Variants in FMR1NB observed in about 807,000 individuals in gnomAD.
FMR1NB encodes the protein FMR1 neighbor.
FMR1NB carries 10 observed loss-of-function variants against 16.8 expected under a neutral mutation model. That is an observed-to-expected ratio of 0.60 (90% confidence interval 0.37 to 1.01). The LOEUF (loss-of-function observed/expected upper bound fraction) is 1.01. Among genes scored for constraint, FMR1NB ranks in the 50% least tolerant of loss-of-function variants. FMR1NB has a pLI of 0.01. For synonymous variants in FMR1NB, 83 were observed against 79.1 expected (o/e 1.05, Z -0.26); for missense variants, 205 against 204.8 (o/e 1.00, Z 0.00).
chrX:147,994,785 G>T (rs912385802), intron 1 of FMR1NB, among the ~76,000 whole-genome samples: 1 of 112,043 alleles, frequency 8.9e-6, no homozygotes, highest in Non-Finnish European at 1.9e-5. Context: ...TACATTGTTA[G>T]ATTTCCCAGA....
intron 1 of FMR1NB, among the ~76,000 whole-genome samples, chrX:148,002,859 T>TG (rs2044577839): frequency 8.9e-6 from 1 of 112,225 alleles, no homozygotes; most frequent in African/African-American, 3.2e-5. Context: ...CTTTCTGTGA[T>TG]GGGATCTGAT....
At chrX:148,018,172 C>G (rs2044660080) in intron 4 of FMR1NB, among the ~76,000 whole-genome samples, 1 of 110,678 alleles carries the variant, frequency 9.0e-6, no homozygotes, top group South Asian at 3.8e-4. Flanking sequence ...TGAAAGTGTT[C>G]CTATTTCTCC....
At chrX:148,009,513 CT>C (rs35034562) in intron 4 of FMR1NB, among the ~76,000 whole-genome samples, 5,672 of 96,768 alleles carry the variant, frequency 0.059, 218 homozygotes, top group African/African-American at 0.13. Context: ...TGCTTCCAAG[CT>C]TTTTTTTTTT....
chrX:148,018,568 T>A (rs2044662516), intron 4 of FMR1NB, among the ~76,000 whole-genome samples: 1 of 111,571 alleles, frequency 9.0e-6, no homozygotes, highest in South Asian at 3.8e-4. Context: ...AAACAAGCAA[T>A]GGGGAAAGCA....
intron 4 of FMR1NB, among the ~76,000 whole-genome samples, chrX:148,012,669 C>A (rs979646035): frequency 9.0e-5 from 10 of 111,400 alleles, no homozygotes; most frequent in Non-Finnish European, 1.7e-4. Context: ...TACATTTAGA[C>A]CAATCCTGCT....
rs1557189361 is a variant in FMR1NB, at chrX:148,008,691, C to T, written c.612C>T (p.Cys204=). The T allele has an allele frequency of 1.7e-6, 2 of 1,209,418 alleles. No individual in the cohort carries two copies. ...SLILVCLPIY[C]RSLFWRSEPA... ...TCCTGGTATGTCTGCCCATTTATTG[C>T]CGCTCTCTTTTCTGGAGGAGGTAGG... The change falls in exon 4 of 6, where the codon TGC becomes TGT. Residue 204 remains cysteine, a synonymous_variant. Coordinates refer to ENST00000370467, the MANE Select transcript of FMR1NB (RefSeq NM_152578.3).
At chrX:147,984,109 A>G (rs2044464564) in intron 1 of FMR1NB, among the ~76,000 whole-genome samples, 1 of 112,039 alleles carries the variant, frequency 8.9e-6, no homozygotes, top group Non-Finnish European at 1.9e-5. Flanking sequence ...CATTCTTTTG[A>G]TTACTGCAGC....
chrX:148,001,837 CAAG>C (rs1270855872), intron 1 of FMR1NB, among the ~76,000 whole-genome samples: 9 of 110,931 alleles, frequency 8.1e-5, no homozygotes, highest in African/African-American at 2.9e-4. Context: ...AATAGAAAGT[CAAG>C]AAGCAGATCT....
At position 148,024,927 on chromosome X, in the gene FMR1NB, G is replaced by A; in HGVS notation, c.695G>A (p.Arg232Lys). Residue 232 changes from arginine (R) to lysine (K), a missense_variant, in exon 5 of 6, where the codon AGA (arginine) becomes AAA (lysine). Coordinates refer to ENST00000370467, the MANE Select transcript of FMR1NB (RefSeq NM_152578.3). Reference protein sequence around the residue: ...NRVVTGLKKQRRKRKRKSEML... With the variant: ...NRVVTGLKKQKRKRKRKSEML... ...GTTGTAACGGGTTTGAAGAAACAAA[G>A]AAGGAAGCGAAAGAGGAAGTCTGAA... 8.3e-7 allele frequency: 1 copy of A among 1,211,150 alleles called. No individual in the cohort carries two copies. Among genetic ancestry groups the A allele is most frequent in the Non-Finnish European group, 1.1e-6 (1 of 895,072 alleles).
chrX:147,991,772 G>A (rs1854461156), intron 1 of FMR1NB, among the ~76,000 whole-genome samples: 1 of 106,731 alleles, frequency 9.4e-6, no homozygotes, highest in African/African-American at 3.5e-5. Context: ...AGTGAACAAA[G>A]GTCTCTGGTT....
intron 4 of FMR1NB, among the ~76,000 whole-genome samples, chrX:148,015,189 A>C (rs1448022366): frequency 9.1e-6 from 1 of 110,076 alleles, no homozygotes; most frequent in Non-Finnish European, 1.9e-5. Flanking sequence ...TTCATCTCTG[A>C]TTTTACTTAT....
chrX:147,997,158 T>C (rs1208960301), intron 1 of FMR1NB, among the ~76,000 whole-genome samples: 2 of 111,373 alleles, frequency 1.8e-5, no homozygotes, highest in African/African-American at 6.5e-5. Context: ...TTATAAAGCC[T>C]AAGCAAAAAG....
At chrX:148,002,147 A>G (rs2044573799) in intron 1 of FMR1NB, among the ~76,000 whole-genome samples, 1 of 111,938 alleles carries the variant, frequency 8.9e-6, no homozygotes, top group South Asian at 3.7e-4. Flanking sequence ...CCCAAACACC[A>G]TAAAAAAGTA....
intron 1 of FMR1NB, among the ~76,000 whole-genome samples, chrX:147,985,233 T>G (rs1354933373): frequency 3.6e-5 from 4 of 112,091 alleles, no homozygotes; most frequent in Non-Finnish European, 7.5e-5. Context: ...CGATTGATGT[T>G]AATTCTTCTT....
chrX:148,016,746 C>T lies in FMR1NB; in HGVS notation c.632+8035C>T, dbSNP rs782087068. On this transcript the variant is annotated intron_variant, in intron 4 of 5. Transcript: ENST00000370467. ...TCAACAAAAAGGCAACTAATAAAAACTCTACCTCATAGTTTCATCCCCCAA... is the reference window on the plus strand; with the variant it reads ...TCAACAAAAAGGCAACTAATAAAAATTCTACCTCATAGTTTCATCCCCCAA... 6.3e-5 allele frequency among the ~76,000 whole-genome samples: 7 copies of T among 111,572 alleles called. 1 individual carries two copies. In the East Asian group the frequency reaches 1.1e-3, roughly 18 times the overall value.
At chrX:148,007,905 T>G (rs782527821) in intron 3 of FMR1NB, among the ~76,000 whole-genome samples, 1 of 112,237 alleles carries the variant, frequency 8.9e-6, no homozygotes, top group Non-Finnish European at 1.9e-5. Flanking sequence ...TATTTGTAAT[T>G]CATTTATCAG....
At chrX:147,984,190 C>A (rs937854749) in intron 1 of FMR1NB, among the ~76,000 whole-genome samples, 1 of 111,477 alleles carries the variant, frequency 9.0e-6, no homozygotes, top group South Asian at 3.8e-4. Flanking sequence ...TACTGTTTTG[C>A]GTATTCATGG....
chrX:147,991,176 T>C (rs782763651), intron 1 of FMR1NB, among the ~76,000 whole-genome samples: 2 of 110,951 alleles, frequency 1.8e-5, no homozygotes, highest in African/African-American at 3.3e-5. Context: ...TGGAGGCCTT[T>C]AATTCCTCAA....
At chrX:148,012,775 T>C (rs10521869) in intron 4 of FMR1NB, among the ~76,000 whole-genome samples, 18,491 of 111,120 alleles carry the variant, frequency 0.17, 1,858 homozygotes, top group African/African-American at 0.37. Context: ...TGGGAATAAA[T>C]GTGTCAAAAA....
Sources: allele counts gnomAD v4.1 joint callset (sites outside exome capture counted in the v4.1 genomes callset), GRCh38; gene constraint gnomAD v4.1.1; transcripts MANE v1.5; gene names NCBI Gene and HGNC (gene_info 2026-07-23, HGNC 2026-07-21).